SIGLEC8: variants seen among roughly 807,000 people sequenced by gnomAD.
SIGLEC8 encodes the protein sialic acid binding Ig like lectin 8, also known as sialic acid-binding Ig-like lectin 8.
A neutral mutation model predicts 42.1 loss-of-function variants in SIGLEC8; 32 were observed. The observed-to-expected ratio is 0.76, with a 90% confidence interval of 0.57 to 1.02. The LOEUF is 1.02. SIGLEC8 is among the 50% of genes least tolerant of loss of function. The pLI, the probability that SIGLEC8 is intolerant of heterozygous loss-of-function variation, is 0.00. For synonymous variants in SIGLEC8, 262 were observed against 260.3 expected (o/e 1.01, Z -0.06); for missense variants, 611 against 610.2 (o/e 1.00, Z -0.01).
chr19:51,457,654 G>C lies in SIGLEC8; in HGVS notation c.540C>G (p.Ala180=), dbSNP rs1486618312. 2 of 1,611,374 alleles carry C rather than the reference G, an allele frequency of 1.2e-6. No homozygotes were observed. Among genetic ancestry groups the C allele is most frequent in the Non-Finnish European group, 8.5e-7 (1 of 1,178,586 alleles). Residue 180 remains alanine (A), a synonymous_variant, in exon 2 of 7, where the codon GCC becomes GCG. Transcript: ENST00000321424. ...TCATGGGGGGTGTCCCCTGCTTACA[G>C]GCCCAGGGCACAGAGCAGGTCAGGT... is the stretch of plus-strand genomic sequence containing the variant. The part of the protein sequence containing the change: ...SRNLTCSVPW[A]CKQGTPPMIS...
intron 6 of SIGLEC8, chr19:51,453,463 T>C: frequency 1.1e-6 from 1 of 877,396 alleles, no homozygotes; most frequent in Non-Finnish European, 1.4e-6. Flanking sequence ...TTTGGGAGGC[T>C]GAGGCGGGCG....
At chr19:51,457,336 C>T (rs1213403007) in intron 2 of SIGLEC8, 105 bp from the exon 3 acceptor site, 1 of 1,499,656 alleles carries the variant, frequency 6.7e-7, no homozygotes, top group East Asian at 2.3e-5. Context: ...CGGCATTCTC[C>T]TGACCCCACT....
intron 6 of SIGLEC8, among the ~76,000 whole-genome samples, chr19:51,452,899 A>G (rs1989399765): frequency 6.6e-5 from 10 of 152,162 alleles, no homozygotes; most frequent in Admixed American, 6.5e-4. Context: ...AGGTCGAAAC[A>G]GTCAGCACTG....
intron 6 of SIGLEC8, among the ~76,000 whole-genome samples, chr19:51,453,159 G>A (rs916225211): frequency 6.6e-6 from 1 of 151,922 alleles, no homozygotes; most frequent in Non-Finnish European, 1.5e-5. Context: ...TGCAATCCCA[G>A]CTCACTGCAC....
chr19:51,452,612 T>C lies in SIGLEC8; in HGVS notation c.1267A>G (p.Lys423Glu). 1 of 1,545,962 alleles carries C rather than the reference T, an allele frequency of 6.5e-7. No individual in the cohort carries two copies. The change falls in exon 7 of 7, where the codon AAA (lysine) becomes GAA (glutamate). Residue 423 changes from lysine to glutamate, a missense_variant. By Grantham distance (56) the Lys-to-Glu change is moderately conservative. Transcript: ENST00000321424. ...GGCTTCTTCAGGGGGTTGCCATCTTTCCAGGATTCAGTCAGGGGTCCCTGG... is the reference window on the plus strand; with the variant it reads ...GGCTTCTTCAGGGGGTTGCCATCTTCCCAGGATTCAGTCAGGGGTCCCTGG... Reference protein sequence around the residue: ...ASQGPLTESWKDGNPLKKPPP... With the variant: ...ASQGPLTESWEDGNPLKKPPP...
chr19:51,451,522 T>G lies in SIGLEC8; in HGVS notation c.*857A>C, dbSNP rs1348685869. The G allele has an allele frequency of 6.6e-6, 1 of 151,980 alleles. No homozygotes were observed. Among genetic ancestry groups the G allele is most frequent in the Non-Finnish European group, 1.5e-5 (1 of 67,990 alleles). The allele number at this position is 151,980 out of a possible 1,614,324, so 9.4% of individuals were successfully genotyped here. On this transcript the variant is annotated 3_prime_UTR_variant, in exon 7 of 7. Transcript: ENST00000321424. ...TTCCTGAAAACTTATGGCTAAGGGG[T>G]GCCCAGCCTGCTGATTGCTTGACTC... is the stretch of plus-strand genomic sequence containing the variant.
rs761841823 is a variant in SIGLEC8, at chr19:51,457,550, G to A, written c.644C>T (p.Pro215Leu). The change falls in exon 2 of 7, where the codon CCC (proline) becomes CTC (leucine). Residue 215 changes from proline to leucine, a missense_variant. Transcript: ENST00000321424. The part of the protein sequence containing the change: ...RSSVLTLTPK[P>L]QDHGTSLTCQ... ...GGTGAGGCTGGTGCCGTGGTCCTGG[G>A]GCTTTGGGGTAAGGGTGAGCACTGA... 6 of 1,614,092 alleles carry A rather than the reference G, an allele frequency of 3.7e-6. No individual in the cohort carries two copies. The highest frequency in any genetic ancestry group is 5.1e-6 in the Non-Finnish European group (6 of 1,180,018).
Position 51,458,033 on chromosome 19 carries a change from T to C in SIGLEC8, c.355A>G (p.Lys119Glu). The change falls in exon 1 of 7, where the codon AAG becomes GAG. Residue 119 changes from lysine to glutamate, a missense_variant. By Grantham distance (56) the Lys-to-Glu change is moderately conservative. Coordinates refer to ENST00000321424, the MANE Select transcript of SIGLEC8 (RefSeq NM_014442.3). ...LSIRDARKRD[K>E]GSYFFRLERG... ...TCTAGCCGAAAGAAATATGACCCCT[T>C]ATCCCTCTTCCTGGCGTCTCTGATG... 6.2e-7 allele frequency: 1 copy of C among 1,614,186 alleles called. No individual in the cohort carries two copies. Among genetic ancestry groups the C allele is most frequent in the Non-Finnish European group, 8.5e-7 (1 of 1,180,014 alleles).
At chr19:51,453,251 G>A (rs1216348485) in intron 6 of SIGLEC8, among the ~76,000 whole-genome samples, 2 of 151,952 alleles carry the variant, frequency 1.3e-5, no homozygotes, top group African/African-American at 4.8e-5. Context: ...ACCATGCCTG[G>A]TTAAGTTTTG....
rs754866207 is a variant in SIGLEC8 at position 51,454,648 on chromosome 19, C to G, written c.1148+36G>C. 1 of 1,535,530 alleles carries G rather than the reference C, an allele frequency of 6.5e-7. No homozygotes were observed. Among genetic ancestry groups the G allele is most frequent in the African/African-American group, 1.4e-5 (1 of 73,392 alleles). ...ATTCTGTTCCCGGTCTGCCCTGCCC[C>G]AGGTCTCTCTCTCCCTCCCCAGGGT... On this transcript the variant is annotated intron_variant, in intron 5 of 6. Transcript: ENST00000321424. The surrounding 1 kb of genome is among the most constrained non-coding windows in gnomAD (Gnocchi z 4.7).
intron 3 of SIGLEC8, among the ~76,000 whole-genome samples, 154 bp downstream of exon 3, chr19:51,457,030 G>A (rs1989510163): frequency 1.3e-5 from 2 of 152,166 alleles, no homozygotes; most frequent in African/African-American, 4.8e-5. Context: ...GGCTCAGATG[G>A]TCACGCGGGC....
rs759624842 is a variant in SIGLEC8 at position 51,458,362 on chromosome 19, G to GGCAGCAGCA, written c.17_25dup (p.Leu6_Leu8dup). 326 of 1,612,842 alleles carry GGCAGCAGCA rather than the reference G, an allele frequency of 2.0e-4. 2 individuals are homozygous for GGCAGCAGCA. The East Asian group carries it at 7.1e-3, about 35-fold the overall frequency. On this transcript the variant is annotated inframe_insertion, in exon 1 of 7. Coordinates refer to ENST00000321424, the MANE Select transcript of SIGLEC8 (RefSeq NM_014442.3). ...CATCCCCTTTGTCCCCCAGAGCAGG[G>GGCAGCAGCA]GCAGCAGCAGCAGCAGCAGCAGCAT...
chr19:51,453,831 G>T (rs1222470717), intron 6 of SIGLEC8: 1 of 985,218 alleles, frequency 1.0e-6, no homozygotes, highest in Non-Finnish European at 1.2e-6. Flanking sequence ...ACAGGTTAGT[G>T]GCGTAAGGAT....
rs145728013 is a variant in SIGLEC8 at position 51,457,112 on chromosome 19, G to A, written c.781+72C>T. On this transcript the variant is annotated intron_variant, in intron 3 of 6. Coordinates refer to ENST00000321424, the MANE Select transcript of SIGLEC8 (RefSeq NM_014442.3). ...CTGTTTCCCAAAGTGATTCCAGGATGAGGAGAGACCCAGCCCCATCCTGAG... is the reference window on the plus strand; with the variant it reads ...CTGTTTCCCAAAGTGATTCCAGGATAAGGAGAGACCCAGCCCCATCCTGAG... The A allele has an allele frequency of 3.9e-4, 518 of 1,337,540 alleles. 1 individual carries two copies. In the African/African-American group the frequency reaches 6.6e-3, roughly 17 times the overall value. 82.9% of individuals were successfully genotyped at this position (1,337,540 alleles called of 1,614,324 possible). A position where few individuals can be genotyped will look rare whatever the true frequency, so the allele number is the denominator to read the frequency against.
Position 51,457,540 on chromosome 19 carries a change from G to A in SIGLEC8, c.654C>T (p.His218=), listed in dbSNP as rs776383976. Residue 218 remains histidine (H), a synonymous_variant, in exon 2 of 7, where the codon CAC becomes CAT. Coordinates refer to ENST00000321424, the MANE Select transcript of SIGLEC8 (RefSeq NM_014442.3). ...TCACCTGACAGGTGAGGCTGGTGCC[G>A]TGGTCCTGGGGCTTTGGGGTAAGGG... ...VLTLTPKPQD[H]GTSLTCQVTL... 19 of 1,614,040 alleles carry A rather than the reference G, an allele frequency of 1.2e-5. No homozygotes were observed. Among genetic ancestry groups the A allele is most frequent in the East Asian group, 2.2e-5 (1 of 44,878 alleles).
chr19:51,456,166 T>C (rs747989022), intron 3 of SIGLEC8, among the ~76,000 whole-genome samples: 2 of 151,924 alleles, frequency 1.3e-5, no homozygotes, highest in Non-Finnish European at 1.5e-5. Context: ...CATGTATACA[T>C]ATGTAACAAA....
Position 51,457,738 on chromosome 19 carries a change from G to A in SIGLEC8, c.456C>T (p.Ala152=). ...TGAGGATGTCAGGCCTATGGGTCAG[G>A]GCTGGTGAAGATGGGGACACAGGAT... ...KTKQLSVFVT[A]LTHRPDILIL... The change falls in exon 2 of 7, where the codon GCC becomes GCT. Residue 152 remains alanine, a splice_region_variant and synonymous_variant. Coordinates refer to ENST00000321424, the MANE Select transcript of SIGLEC8 (RefSeq NM_014442.3). The A allele has an allele frequency of 6.4e-7, 1 of 1,570,004 alleles. No individual in the cohort carries two copies. Among genetic ancestry groups the A allele is most frequent in the Non-Finnish European group, 8.6e-7 (1 of 1,161,616 alleles).
At chr19:51,453,309 C>G (rs1989413120) in intron 6 of SIGLEC8, 26 of 841,268 alleles carry the variant, frequency 3.1e-5, no homozygotes, top group Non-Finnish European at 3.7e-5. Flanking sequence ...AGGCTGGTCT[C>G]AAACTCCTGG....
chr19:51,455,220 C>T (rs966532143), intron 4 of SIGLEC8, among the ~76,000 whole-genome samples, 198 bp downstream of exon 4: 2 of 152,160 alleles, frequency 1.3e-5, no homozygotes, highest in Admixed American at 6.5e-5. Flanking sequence ...CCCTCCAAGA[C>T]CCACTCCTCC....
Sources: allele counts gnomAD v4.1 joint callset (sites outside exome capture counted in the v4.1 genomes callset), GRCh38; gene constraint gnomAD v4.1.1; non-coding constraint Gnocchi (gnomAD v3.1); transcripts MANE v1.5; gene names NCBI Gene and HGNC (gene_info 2026-07-23, HGNC 2026-07-21).